The following SORCS2 variants were observed in gnomAD, a reference collection of about 807,000 sequenced individuals.
SORCS2 encodes sortilin related VPS10 domain containing receptor 2.
Under a neutral mutation model 141.6 loss-of-function variants are expected in SORCS2, and 100 were observed. That is an observed-to-expected ratio of 0.71 (90% CI 0.60 to 0.83). SORCS2 has a LOEUF of 0.83. SORCS2 is among the 40% of genes least tolerant of loss of function. The pLI is 0.00. For synonymous variants in SORCS2, 789 were observed against 676.9 expected (o/e 1.17, Z -2.57); for missense variants, 1,646 against 1,560.2 (o/e 1.05, Z -0.93).
At chr4:7,739,745 G>GC (rs1712497335) in intron 26 of SORCS2, among the ~76,000 whole-genome samples, 1 of 152,094 alleles carries the variant, frequency 6.6e-6, no homozygotes, top group Non-Finnish European at 1.5e-5. Flanking sequence ...CTCCTAACCA[G>GC]CCCCCACCCG....
At chr4:7,650,552 C>T (rs566857157) in intron 4 of SORCS2, among the ~76,000 whole-genome samples, 1 of 152,330 alleles carries the variant, frequency 6.6e-6, no homozygotes, top group Admixed American at 6.5e-5. Context: ...CTGCCGGAGC[C>T]CAAGAACCCT....
chr4:7,285,259 C>T (rs1348644086), intron 1 of SORCS2, among the ~76,000 whole-genome samples: 2 of 152,202 alleles, frequency 1.3e-5, no homozygotes, highest in Admixed American at 1.3e-4. Context: ...TCTCGAACTC[C>T]TGACCTCTGG....
intron 2 of SORCS2, among the ~76,000 whole-genome samples, chr4:7,439,205 C>T (rs1222557309): frequency 6.6e-6 from 1 of 152,012 alleles, no homozygotes; most frequent in Non-Finnish European, 1.5e-5. Context: ...TATACAAACA[C>T]ACACGTGTGT....
At chr4:7,228,539 G>A (rs899014763) in intron 1 of SORCS2, among the ~76,000 whole-genome samples, 2 of 152,118 alleles carry the variant, frequency 1.3e-5, no homozygotes, top group Non-Finnish European at 2.9e-5. Flanking sequence ...GAAGGTGATC[G>A]TCCTGCCTAC....
In SORCS2 at chr4:7,654,008, G is replaced by A. The variant is rs575826334; in HGVS notation, c.814-126G>A. The A allele has an allele frequency of 5.5e-5, 49 of 892,520 alleles. 1 individual carries two copies. The African/African-American group carries it at 6.1e-4, about 11-fold the overall frequency. The allele number at this position is 892,520 out of a possible 1,614,324, so 55.3% of individuals were successfully genotyped here. On this transcript the variant is annotated intron_variant, in intron 4 of 26. Coordinates refer to ENST00000507866, the MANE Select transcript of SORCS2 (RefSeq NM_020777.3). ...ATCCCAGCATGAGCACAGCGCCTCC[G>A]CGTGTCCGCTGGACAAGGATGACTT...
chr4:7,646,412 C>G (rs936875415), intron 4 of SORCS2, among the ~76,000 whole-genome samples: 5 of 152,154 alleles, frequency 3.3e-5, no homozygotes, highest in Admixed American at 2.0e-4. Flanking sequence ...CAGATAGGGC[C>G]CTTAAATGAT....
intron 1 of SORCS2, among the ~76,000 whole-genome samples, chr4:7,300,263 G>A (rs921265303): frequency 1.6e-4 from 25 of 152,150 alleles, no homozygotes; most frequent in African/African-American, 5.8e-4. Context: ...GGAGGAGTGA[G>A]GGTCTAATCT....
intron 4 of SORCS2, among the ~76,000 whole-genome samples, chr4:7,640,624 C>T (rs1469127032): frequency 6.6e-6 from 1 of 151,880 alleles, no homozygotes. Context: ...GTGATCTTCA[C>T]ATCTGGAGAC....
Position 7,237,987 on chromosome 4 carries a change from G to A in SORCS2, c.480+44861G>A, listed in dbSNP as rs143478423. On this transcript the variant is annotated intron_variant, in intron 1 of 26. Coordinates refer to ENST00000507866, the MANE Select transcript of SORCS2 (RefSeq NM_020777.3). Reference sequence around the variant, plus strand: ...GCTCAGGAGTTCTTGGGATACCAGTGGACTGTGGGCCAGGGGTGCTGTTGG... The same window carrying A: ...GCTCAGGAGTTCTTGGGATACCAGTAGACTGTGGGCCAGGGGTGCTGTTGG... Among the ~76,000 whole-genome samples, 867 of 152,182 alleles carry A rather than the reference G, an allele frequency of 5.7e-3. 8 individuals are homozygous for A. The highest frequency in any genetic ancestry group is 0.02 in the African/African-American group (811 of 41,506).
At chr4:7,466,667 C>T (rs189038438) in intron 2 of SORCS2, among the ~76,000 whole-genome samples, 14 of 152,186 alleles carry the variant, frequency 9.2e-5, no homozygotes, top group Admixed American at 5.2e-4. Flanking sequence ...GGACTGAGCC[C>T]GGGGAGCAGG....
At chr4:7,348,968 C>T (rs575993534) in intron 1 of SORCS2, among the ~76,000 whole-genome samples, 75 of 152,328 alleles carry the variant, frequency 4.9e-4, no homozygotes, top group Non-Finnish European at 9.1e-4. Context: ...GCAGCATTCT[C>T]CTTCGTTATA....
rs1254842961 is a variant in SORCS2 at position 7,491,922 on chromosome 4, C to A, written c.549-39608C>A. Among the ~76,000 whole-genome samples, 6 of 152,302 alleles carry A rather than the reference C, an allele frequency of 3.9e-5. No homozygotes were observed. In the South Asian group the frequency reaches 1.2e-3, roughly 32 times the overall value. On this transcript the variant is annotated intron_variant, in intron 2 of 26. Transcript: ENST00000507866. Reference sequence around the variant, plus strand: ...ACAGCAGGGGCTGCCTGGAGCAAGCCCAGTGCAGTGCCTGAGCACCATGAA... The same window carrying A: ...ACAGCAGGGGCTGCCTGGAGCAAGCACAGTGCAGTGCCTGAGCACCATGAA...
intron 3 of SORCS2, among the ~76,000 whole-genome samples, chr4:7,536,283 G>C (rs545769795): frequency 6.6e-6 from 1 of 152,304 alleles, no homozygotes; most frequent in Admixed American, 6.5e-5. Flanking sequence ...GGATTACCTG[G>C]GTTAATGCAT....
chr4:7,659,487 C>G (rs1345087164), intron 5 of SORCS2, among the ~76,000 whole-genome samples: 2 of 152,080 alleles, frequency 1.3e-5, no homozygotes. Flanking sequence ...CACAGAACCC[C>G]TGTGAGCCAG....
chr4:7,624,642 G>T (rs999052762), intron 3 of SORCS2, among the ~76,000 whole-genome samples: 5 of 152,212 alleles, frequency 3.3e-5, no homozygotes, highest in African/African-American at 1.2e-4. Flanking sequence ...GCCTTCCACT[G>T]TTCAATTAGG....
intron 3 of SORCS2, among the ~76,000 whole-genome samples, chr4:7,602,886 C>T (rs1274767809): frequency 6.6e-5 from 10 of 152,204 alleles, no homozygotes; most frequent in African/African-American, 2.2e-4. Flanking sequence ...ACTGAGTGAG[C>T]GAGACTCCGT....
At chr4:7,353,642 C>T (rs961898118) in intron 1 of SORCS2, among the ~76,000 whole-genome samples, 5 of 152,146 alleles carry the variant, frequency 3.3e-5, no homozygotes, top group Non-Finnish European at 7.3e-5. Context: ...CTCTTTGCTC[C>T]GGTGGCACAG....
At chr4:7,364,569 G>C (rs1721768247) in intron 1 of SORCS2, among the ~76,000 whole-genome samples, 1 of 152,162 alleles carries the variant, frequency 6.6e-6, no homozygotes, top group African/African-American at 2.4e-5. Flanking sequence ...CAATGCTCAT[G>C]GGTCAGGATG....
At chr4:7,465,781 C>T (rs1042089482) in intron 2 of SORCS2, among the ~76,000 whole-genome samples, 4 of 152,332 alleles carry the variant, frequency 2.6e-5, no homozygotes, top group African/African-American at 4.8e-5. Flanking sequence ...GTGAATAGAA[C>T]GCAAGCCCAG....
Sources: gnomAD v4.1 joint callset for allele counts (sites outside exome capture counted in the v4.1 genomes callset) on GRCh38, gnomAD v4.1.1 for gene constraint, MANE v1.5 for transcripts, NCBI Gene and HGNC (gene_info 2026-07-23, HGNC 2026-07-21) for gene names.